The following ARMC8 variants were observed in gnomAD, a reference collection of about 807,000 sequenced individuals.
The protein encoded by ARMC8 is armadillo repeat-containing protein 8.
Under a neutral mutation model 99.3 loss-of-function variants are expected in ARMC8, and 20 were observed. That is an observed-to-expected ratio of 0.20 (90% CI 0.14 to 0.29). ARMC8 has a LOEUF of 0.29. ARMC8 is among the 10% of genes least tolerant of loss of function. The pLI, the probability that ARMC8 is intolerant of heterozygous loss-of-function variation, is 1.00. For synonymous variants in ARMC8, 263 were observed against 278.3 expected (o/e 0.95, Z 0.55); for missense variants, 569 against 809.5 (o/e 0.70, Z 3.60).
chr3:138,211,305 A>G (rs1174388051), intron 2 of ARMC8, among the ~76,000 whole-genome samples: 1 of 152,234 alleles, frequency 6.6e-6, no homozygotes. Flanking sequence ...TAAGTGTTCA[A>G]TAAATGGTAT....
chr3:138,214,360 T>TC (rs1039614714), intron 2 of ARMC8, among the ~76,000 whole-genome samples: 7 of 151,576 alleles, frequency 4.6e-5, no homozygotes, highest in East Asian at 1.9e-4. Context: ...TTTTTTTTTT[T>TC]CCCCCACCAA....
intron 2 of ARMC8, among the ~76,000 whole-genome samples, chr3:138,217,561 C>G (rs927521928): frequency 7.2e-5 from 11 of 152,140 alleles, no homozygotes; most frequent in Admixed American, 6.5e-5. Context: ...CACTAAAAAT[C>G]TCTTTCAGAG....
intron 1 of ARMC8, among the ~76,000 whole-genome samples, chr3:138,208,863 A>C (rs1559926786): frequency 1.3e-5 from 2 of 152,262 alleles, no homozygotes; most frequent in African/African-American, 4.8e-5. Context: ...TTCACAATAC[A>C]AATGAAAAGG....
chr3:138,245,018 C>A (rs2046816758), intron 11 of ARMC8, 70 bp from the exon 12 acceptor site: 1 of 1,528,832 alleles, frequency 6.5e-7, no homozygotes, highest in East Asian at 2.3e-5. Context: ...TTTTTTTCTT[C>A]AACTCAGTTA....
chr3:138,259,046 C>T (rs1226087065), intron 12 of ARMC8, among the ~76,000 whole-genome samples: 1 of 152,220 alleles, frequency 6.6e-6, no homozygotes, highest in Non-Finnish European at 1.5e-5. Context: ...TTCAGCTTTA[C>T]TTGGCATTGC....
chr3:138,229,178 A>ATATATATATGTATATG (rs1576686064), intron 6 of ARMC8, 168 bp downstream of exon 6: 30 of 32,096 alleles, frequency 9.3e-4, no homozygotes, highest in African/African-American at 2.4e-3. Context: ...ATATATATAT[A>ATATATATATGTATATG]TATATGTATA....
intron 1 of ARMC8, among the ~76,000 whole-genome samples, chr3:138,195,874 A>G (rs964568788): frequency 3.9e-5 from 6 of 151,916 alleles, no homozygotes; most frequent in African/African-American, 1.5e-4. Context: ...AAAAAAAAAA[A>G]CTGTTTTGAC....
At chr3:138,237,934 A>G in intron 9 of ARMC8, 1 of 169,148 alleles carries the variant, frequency 5.9e-6, no homozygotes, top group Non-Finnish European at 1.3e-5. Context: ...ATATAGAAAT[A>G]TGGAATGAGA....
chr3:138,235,207 T>C, intron 7 of ARMC8, 93 bp downstream of exon 7: 3 of 889,076 alleles, frequency 3.4e-6, no homozygotes, highest in Non-Finnish European at 5.3e-6. Flanking sequence ...TTGATAATTG[T>C]GATCAAAAGT....
At chr3:138,286,705 G>A (rs1474382029) in intron 19 of ARMC8, among the ~76,000 whole-genome samples, 1 of 152,000 alleles carries the variant, frequency 6.6e-6, no homozygotes, top group African/African-American at 2.4e-5. Flanking sequence ...AAGATCACTG[G>A]GTGGTTCTTA....
At chr3:138,236,042 G>C (rs745730042) in intron 7 of ARMC8, among the ~76,000 whole-genome samples, 2 of 152,120 alleles carry the variant, frequency 1.3e-5, no homozygotes, top group Non-Finnish European at 2.9e-5. Context: ...TCCTGACCTT[G>C]TGATCCGCCT....
chr3:138,256,598 G>C (rs1417235798), intron 12 of ARMC8, among the ~76,000 whole-genome samples: 2 of 151,560 alleles, frequency 1.3e-5, no homozygotes, highest in African/African-American at 4.9e-5. Context: ...TTTTAGTAGA[G>C]ACGGGGTTTC....
chr3:138,211,873 GGTTA>G (rs1273244422), intron 2 of ARMC8, among the ~76,000 whole-genome samples: 1 of 152,006 alleles, frequency 6.6e-6, no homozygotes, highest in Non-Finnish European at 1.5e-5. Context: ...GCACTTAAGT[GGTTA>G]GTTGTTATTA....
chr3:138,206,338 A>G (rs745538669), intron 1 of ARMC8, among the ~76,000 whole-genome samples: 27 of 152,222 alleles, frequency 1.8e-4, no homozygotes, highest in Non-Finnish European at 3.5e-4. Context: ...TTCAATTGCC[A>G]TATGAGGCTA....
At position 138,296,897 on chromosome 3, in the gene ARMC8, G is replaced by C. The variant is rs960561386; in HGVS notation, c.*1005G>C. ...TATTAGCAATATCTGGCCAGATTTA[G>C]AACCAGTCATGGAAACTTGTGCTCA... On this transcript the variant is annotated 3_prime_UTR_variant, in exon 22 of 22. Coordinates refer to ENST00000469044, the MANE Select transcript of ARMC8 (RefSeq NM_001363941.2). The C allele has an allele frequency of 2.6e-5, 4 of 152,200 alleles. No individual in the cohort carries two copies. Among genetic ancestry groups the C allele is most frequent in the African/African-American group, 9.7e-5 (4 of 41,442 alleles). The allele number at this position is 152,200 out of a possible 1,614,324, so 9.4% of individuals were successfully genotyped here.
intron 12 of ARMC8, among the ~76,000 whole-genome samples, chr3:138,251,194 C>T (rs2047109183): frequency 6.6e-6 from 1 of 151,968 alleles, no homozygotes; most frequent in South Asian, 2.1e-4. Context: ...GCTGAGCATG[C>T]ATTCACTTTG....
At chr3:138,238,368 G>T (rs996274852) in intron 9 of ARMC8, 1 of 152,356 alleles carries the variant, frequency 6.6e-6, no homozygotes, top group Non-Finnish European at 1.5e-5. Flanking sequence ...CCCAGCTGCA[G>T]AGTTTTTATT....
intron 18 of ARMC8, among the ~76,000 whole-genome samples, chr3:138,281,064 C>G (rs1351459444): frequency 6.6e-6 from 1 of 152,168 alleles, no homozygotes; most frequent in East Asian, 1.9e-4. Flanking sequence ...AATACATAAG[C>G]AAGTAGATAT....
At chr3:138,251,494 T>C (rs2047121053) in intron 12 of ARMC8, among the ~76,000 whole-genome samples, 1 of 152,174 alleles carries the variant, frequency 6.6e-6, no homozygotes, top group African/African-American at 2.4e-5. Context: ...AGCAGCAAAT[T>C]CATTCGGATT....
Sources: gnomAD v4.1 joint callset for allele counts (sites outside exome capture counted in the v4.1 genomes callset) on GRCh38, gnomAD v4.1.1 for gene constraint, MANE v1.5 for transcripts, NCBI Gene and HGNC (gene_info 2026-07-23, HGNC 2026-07-21) for gene names.